Variants in CSMD1 observed in about 807,000 individuals in gnomAD.
CSMD1 encodes CUB and sushi domain-containing protein 1.
In CSMD1, 213 loss-of-function variants were observed where a neutral mutation model predicts 417.5. That is an observed-to-expected ratio of 0.51 (90% CI 0.46 to 0.57). The LOEUF (loss-of-function observed/expected upper bound fraction) is 0.57. Among genes scored for constraint, CSMD1 ranks in the 20% least tolerant of loss-of-function variants. CSMD1 has a pLI of 0.00. For missense variants in CSMD1, 6,923 were observed against 4,529.7 expected, an observed-to-expected ratio of 1.53 and a Z score of -15.17; for synonymous variants, 2,862 against 1,736.8, an observed-to-expected ratio of 1.65 and a Z score of -16.11.
intron 5 of CSMD1, among the ~76,000 whole-genome samples, chr8:3,835,476 C>A (rs1031736714): frequency 1.3e-5 from 2 of 151,856 alleles, no homozygotes; most frequent in African/African-American, 2.4e-5. Context: ...GGACAAAAAA[C>A]CAAACACCAC....
At chr8:3,626,028 A>G (rs1796474239) in intron 7 of CSMD1, among the ~76,000 whole-genome samples, 2 of 152,228 alleles carry the variant, frequency 1.3e-5, no homozygotes, top group Admixed American at 1.3e-4. Context: ...GTCAGTGTAA[A>G]TGACCTTAAC....
chr8:3,615,032 C>T (rs1278393635), intron 8 of CSMD1, among the ~76,000 whole-genome samples: 3 of 152,156 alleles, frequency 2.0e-5, no homozygotes, highest in Non-Finnish European at 2.9e-5. Context: ...TATTTCGTTG[C>T]TTTGTTTTCA....
chr8:4,341,902 C>G (rs1403638245), intron 3 of CSMD1, among the ~76,000 whole-genome samples: 2 of 152,084 alleles, frequency 1.3e-5, no homozygotes, highest in Non-Finnish European at 2.9e-5. Flanking sequence ...TTTCTGATTA[C>G]TCATTATCTG....
intron 52 of CSMD1, among the ~76,000 whole-genome samples, chr8:3,014,699 G>C (rs1044514091): frequency 6.6e-6 from 1 of 152,158 alleles, no homozygotes; most frequent in Non-Finnish European, 1.5e-5. Flanking sequence ...GATTGCTTGA[G>C]CCCAGGAGTT....
intron 9 of CSMD1, among the ~76,000 whole-genome samples, chr8:3,578,730 G>A (rs75141258): frequency 6.6e-6 from 1 of 152,132 alleles, no homozygotes; most frequent in African/African-American, 2.4e-5. Flanking sequence ...GAGGGAAACT[G>A]TTCTGACTGG....
At chr8:4,792,338 C>G (rs1420638645) in intron 1 of CSMD1, among the ~76,000 whole-genome samples, 1 of 152,166 alleles carries the variant, frequency 6.6e-6, no homozygotes, top group African/African-American at 2.4e-5. Context: ...AGTCCAGTAG[C>G]AAGAAGGAAT....
In CSMD1 at chr8:4,915,558, C is replaced by T. The variant is rs537826441; in HGVS notation, c.85+78774G>A. Among the ~76,000 whole-genome samples, 3 of 152,296 alleles carry T rather than the reference C, an allele frequency of 2.0e-5. No homozygotes were observed. In the South Asian group the frequency reaches 6.2e-4, roughly 32 times the overall value. On this transcript the variant is annotated intron_variant, in intron 1 of 69. Transcript: ENST00000635120. ...ACGGCTCTGAGGTGTCATGGACCTG[C>T]GTCTGCAGTAGAGGGCAGGAGCAGG...
chr8:3,216,980 G>A (rs977112414), intron 29 of CSMD1, among the ~76,000 whole-genome samples: 3 of 152,062 alleles, frequency 2.0e-5, no homozygotes, highest in Non-Finnish European at 4.4e-5. Flanking sequence ...GGATGCAATG[G>A]CATCACTGCT....
intron 54 of CSMD1, 147 bp from the exon 55 acceptor site, chr8:2,978,947 C>G (rs545793799): frequency 1.1e-5 from 8 of 698,516 alleles, no homozygotes; most frequent in African/African-American, 7.3e-5. Context: ...TCCACTCTCA[C>G]GATGAATTCT....
At chr8:4,749,823 T>C (rs1297055352) in intron 1 of CSMD1, among the ~76,000 whole-genome samples, 1 of 152,080 alleles carries the variant, frequency 6.6e-6, no homozygotes, top group Non-Finnish European at 1.5e-5. Flanking sequence ...ATAAGATGTT[T>C]TGCTGGTAAT....
intron 15 of CSMD1, among the ~76,000 whole-genome samples, chr8:3,404,255 A>G (rs1415263490): frequency 1.3e-5 from 2 of 151,690 alleles, no homozygotes; most frequent in Non-Finnish European, 2.9e-5. Context: ...GAACTGCTTG[A>G]ATCTGGGAGG....
chr8:4,637,024 A>C (rs1388247760), intron 2 of CSMD1, among the ~76,000 whole-genome samples: 1 of 152,192 alleles, frequency 6.6e-6, no homozygotes, highest in Non-Finnish European at 1.5e-5. Flanking sequence ...CCTATAGGAC[A>C]GAAATGGAAC....
At chr8:3,257,362 C>G (rs374462329) in intron 26 of CSMD1, among the ~76,000 whole-genome samples, 28 of 152,346 alleles carry the variant, frequency 1.8e-4, no homozygotes, top group Middle Eastern at 3.4e-3. Flanking sequence ...TACTGCATGT[C>G]AGTTCTACTC....
At chr8:3,348,305 A>AC in intron 21 of CSMD1, 144 bp from the exon 22 acceptor site, 1 of 557,548 alleles carries the variant, frequency 1.8e-6, no homozygotes, top group Non-Finnish European at 3.0e-6. Context: ...TAGATCAGTG[A>AC]TTTTTTTTTA....
At chr8:3,516,180 T>C (rs139056411) in intron 10 of CSMD1, among the ~76,000 whole-genome samples, 404 of 152,314 alleles carry the variant, frequency 2.7e-3, no homozygotes, top group African/African-American at 9.3e-3. Context: ...TATCCACTAA[T>C]ATTGTCTCCA....
chr8:2,998,261 C>T, intron 53 of CSMD1, 77 bp from the exon 54 acceptor site: 4 of 1,429,004 alleles, frequency 2.8e-6, no homozygotes, highest in Non-Finnish European at 3.9e-6. Flanking sequence ...TAATAAGAAA[C>T]ATGCAGGCAT....
intron 3 of CSMD1, among the ~76,000 whole-genome samples, chr8:4,274,003 A>G (rs144164181): frequency 4.1e-4 from 62 of 152,186 alleles, no homozygotes; most frequent in African/African-American, 1.4e-3. Context: ...AACCGCATGC[A>G]TTTTTTCAGC....
At chr8:4,130,097 G>T (rs1803005910) in intron 3 of CSMD1, among the ~76,000 whole-genome samples, 1 of 152,068 alleles carries the variant, frequency 6.6e-6, no homozygotes, top group Middle Eastern at 3.4e-3. Flanking sequence ...GGAGGGCTAG[G>T]GCTGCTCCAT....
chr8:4,138,718 G>A (rs146340699), intron 3 of CSMD1, among the ~76,000 whole-genome samples: 1 of 152,042 alleles, frequency 6.6e-6, no homozygotes, highest in African/African-American at 2.4e-5. Flanking sequence ...CATTTTTTAA[G>A]TGCCAATTTA....
Sources: gnomAD v4.1 joint callset for allele counts (sites outside exome capture counted in the v4.1 genomes callset) on GRCh38, gnomAD v4.1.1 for gene constraint, MANE v1.5 for transcripts, NCBI Gene and HGNC (gene_info 2026-07-23, HGNC 2026-07-21) for gene names.